The following TASP1 variants were observed in gnomAD, a reference collection of about 807,000 sequenced individuals.
TASP1 encodes threonine aspartase 1.
TASP1 carries 16 observed loss-of-function variants against 56.6 expected under a neutral mutation model. The observed-to-expected ratio is 0.28, with a 90% CI of 0.19 to 0.43. The LOEUF (loss-of-function observed/expected upper bound fraction) is 0.43, where lower values mean the gene tolerates loss of function less well. Among genes scored for constraint, TASP1 ranks in the 20% least tolerant of loss-of-function variants. TASP1 has a pLI of 1.00. For synonymous variants in TASP1, 179 were observed against 184.2 expected, an observed-to-expected ratio of 0.97 and a Z score of 0.23; for missense variants, 393 against 511.6, an observed-to-expected ratio of 0.77 and a Z score of 2.24.
intron 1 of TASP1, 122 bp downstream of exon 1, chr20:13,638,772 C>G (rs1281225636): frequency 6.6e-6 from 1 of 152,366 alleles, no homozygotes; most frequent in East Asian, 1.9e-4. Flanking sequence ...AAGGGGTGTC[C>G]TGCGCGCCGC....
intron 13 of TASP1, among the ~76,000 whole-genome samples, chr20:13,402,127 T>C (rs6109855): frequency 0.017 from 2,540 of 152,298 alleles, 73 homozygotes; most frequent in African/African-American, 0.056. Context: ...ATAATTTGAA[T>C]ACATATTATT....
intron 10 of TASP1, among the ~76,000 whole-genome samples, chr20:13,512,141 A>G (rs2146725310): frequency 6.6e-6 from 1 of 152,160 alleles, no homozygotes; most frequent in East Asian, 1.9e-4. Context: ...TGGCTGGGTC[A>G]AATGGTATTT....
the TASP1 span, among the ~76,000 whole-genome samples, chr20:13,340,935 C>T: frequency 1.3e-5 from 2 of 152,210 alleles, no homozygotes; most frequent in African/African-American, 4.8e-5. Context: ...GATTAAGTTG[C>T]CCAGGAAGTA....
chr20:13,433,491 T>C (rs1382484311), intron 12 of TASP1, among the ~76,000 whole-genome samples: 2 of 139,338 alleles, frequency 1.4e-5, no homozygotes, highest in East Asian at 4.1e-4. Flanking sequence ...CTAGGTACTA[T>C]GTGCAGAGGG....
the TASP1 span, among the ~76,000 whole-genome samples, chr20:13,326,664 G>A: frequency 6.6e-6 from 1 of 151,964 alleles, no homozygotes; most frequent in Non-Finnish European, 1.5e-5. Context: ...CCTTTTTGAT[G>A]GTATGCCCAG....
At chr20:13,379,869 T>C in the TASP1 span, among the ~76,000 whole-genome samples, 2 of 152,248 alleles carry the variant, frequency 1.3e-5, no homozygotes, top group African/African-American at 4.8e-5. Context: ...GATTTGGCTG[T>C]TGACACTTGT....
chr20:13,631,805 G>A (rs1415881090), intron 1 of TASP1, among the ~76,000 whole-genome samples: 4 of 152,150 alleles, frequency 2.6e-5, no homozygotes, highest in Admixed American at 6.5e-5. Flanking sequence ...GGTGGCTCAC[G>A]CCTGTAATCT....
At chr20:13,527,635 C>T (rs547678834) in intron 10 of TASP1, among the ~76,000 whole-genome samples, 1 of 152,148 alleles carries the variant, frequency 6.6e-6, no homozygotes, top group Non-Finnish European at 1.5e-5. Context: ...CACACATACG[C>T]ACACACACAC....
intron 12 of TASP1, among the ~76,000 whole-genome samples, chr20:13,430,099 T>C (rs1568788969): frequency 6.6e-6 from 1 of 152,114 alleles, no homozygotes; most frequent in Non-Finnish European, 1.5e-5. Flanking sequence ...ATCATATTTG[T>C]CCTAGAGGGT....
chr20:13,289,367 C>T, the TASP1 span, among the ~76,000 whole-genome samples: 363 of 152,278 alleles, frequency 2.4e-3, no homozygotes, highest in African/African-American at 8.5e-3. Flanking sequence ...ACCGGTAATA[C>T]CAGAGAGTTG....
the TASP1 span, among the ~76,000 whole-genome samples, chr20:13,190,041 A>T: frequency 6.6e-6 from 1 of 152,236 alleles, no homozygotes; most frequent in East Asian, 1.9e-4. Context: ...TACATGAATT[A>T]ACACAGAAAT....
At chr20:13,461,666 C>T (rs2044056999) in intron 11 of TASP1, among the ~76,000 whole-genome samples, 1 of 152,098 alleles carries the variant, frequency 6.6e-6, no homozygotes, top group East Asian at 1.9e-4. Context: ...GTGAGTGTAG[C>T]TATGTTTTAA....
At chr20:13,426,609 A>G (rs916323693) in intron 12 of TASP1, among the ~76,000 whole-genome samples, 4 of 152,204 alleles carry the variant, frequency 2.6e-5, no homozygotes, top group African/African-American at 9.6e-5. Flanking sequence ...CAGATTATAG[A>G]TACTTGCAAT....
chr20:13,249,779 CGTTTT>C, the TASP1 span, among the ~76,000 whole-genome samples: 52,470 of 141,154 alleles, frequency 0.37, 9,749 homozygotes, highest in Non-Finnish European at 0.42. Context: ...TTTTTTGTTG[CGTTTT>C]GTTTTGTTTT....
chr20:13,431,892 C>T (rs1188307908), intron 12 of TASP1, among the ~76,000 whole-genome samples: 2 of 152,154 alleles, frequency 1.3e-5, no homozygotes, highest in Non-Finnish European at 2.9e-5. Flanking sequence ...TCAGTGTGCC[C>T]CTATGGGACT....
rs141684336 is a variant in TASP1 at position 13,590,169 on chromosome 20, T to G, written c.283-2799A>C. ...ATCGCTTGAACCCAGGAGGCAGAGG[T>G]TGTAGTGAGCCAAGATCTTGCACCA... On this transcript the variant is annotated intron_variant, in intron 4 of 13. Transcript: ENST00000337743. 3.7e-3 allele frequency among the ~76,000 whole-genome samples: 566 copies of G among 151,874 alleles called. 2 individuals are homozygous for G. Among genetic ancestry groups the G allele is most frequent in the African/African-American group, 0.013 (532 of 41,402 alleles).
intron 6 of TASP1, among the ~76,000 whole-genome samples, chr20:13,573,457 G>A (rs1382721357): frequency 1.3e-5 from 2 of 152,158 alleles, no homozygotes; most frequent in Admixed American, 1.3e-4. Flanking sequence ...AAGCTAACTA[G>A]TTTATGATAT....
chr20:13,624,664 A>G (rs2147540782), intron 3 of TASP1, among the ~76,000 whole-genome samples: 1 of 152,322 alleles, frequency 6.6e-6, no homozygotes, highest in East Asian at 1.9e-4. Flanking sequence ...CTGTCCCCAC[A>G]TTAAATATTC....
At chr20:13,510,592 T>C (rs1363945485) in intron 10 of TASP1, among the ~76,000 whole-genome samples, 1 of 152,224 alleles carries the variant, frequency 6.6e-6, no homozygotes, top group Non-Finnish European at 1.5e-5. Flanking sequence ...ACTCTCTAAA[T>C]ACCTAATCTA....
Sources: allele counts gnomAD v4.1 joint callset (sites outside exome capture counted in the v4.1 genomes callset), GRCh38; gene constraint gnomAD v4.1.1; transcripts MANE v1.5; gene names NCBI Gene and HGNC (gene_info 2026-07-23, HGNC 2026-07-21).